Variants in MED23 observed in about 807,000 individuals in gnomAD.
MED23 encodes the protein mediator complex subunit 23.
In MED23, 105 loss-of-function variants were observed where a neutral mutation model predicts 163.9. The observed-to-expected ratio is 0.64, with a 90% CI of 0.55 to 0.75. The LOEUF (loss-of-function observed/expected upper bound fraction) is 0.75. Among genes scored for constraint, MED23 ranks in the 30% least tolerant of loss-of-function variants. MED23 has a pLI of 0.00. For missense variants in MED23, 1,054 were observed against 1,649.0 expected (o/e 0.64, Z 6.25); for synonymous variants, 561 against 565.6 (o/e 0.99, Z 0.12).
At chr6:131,625,895 G>A (rs556952856) in intron 3 of MED23, among the ~76,000 whole-genome samples, 2 of 151,884 alleles carry the variant, frequency 1.3e-5, no homozygotes, top group African/African-American at 4.8e-5. Context: ...GGCCGAGGTG[G>A]GCAGATCATG....
intron 1 of MED23, 30 bp downstream of exon 1, chr6:131,627,981 T>TA (rs1421001186): frequency 6.2e-7 from 1 of 1,613,696 alleles, no homozygotes; most frequent in East Asian, 2.2e-5. Context: ...CCCCAAGCCG[T>TA]AGTCCTGGAT....
At chr6:131,600,737 TAAA>T (rs1004508502) in intron 17 of MED23, among the ~76,000 whole-genome samples, 37 of 149,570 alleles carry the variant, frequency 2.5e-4, no homozygotes, top group African/African-American at 9.0e-4. Flanking sequence ...CAAATAATAA[TAAA>T]AAGATATCAG....
downstream of MED23, among the ~76,000 whole-genome samples, chr6:131,585,729 G>A (rs1296391525): frequency 1.3e-5 from 2 of 152,148 alleles, no homozygotes; most frequent in African/African-American, 4.8e-5. Flanking sequence ...AAAACTTTTA[G>A]GATGTGATAA....
At chr6:131,584,822 C>T (rs535630197), downstream of MED23, among the ~76,000 whole-genome samples, 8 of 142,290 alleles carry the variant, frequency 5.6e-5, no homozygotes, top group East Asian at 1.6e-3. Context: ...AAAATACACA[C>T]ACACACACAC....
intron 9 of MED23, 138 bp downstream of exon 9, chr6:131,618,269 C>T (rs1776835470): frequency 2.8e-6 from 2 of 725,890 alleles, no homozygotes; most frequent in African/African-American, 1.8e-5. Flanking sequence ...ACTAGAATAA[C>T]ATGATAAACT....
chr6:131,596,792 T>A (rs1368566266), intron 20 of MED23, 104 bp from the exon 21 acceptor site: 5 of 1,115,436 alleles, frequency 4.5e-6, no homozygotes, highest in Admixed American at 2.0e-5. Flanking sequence ...CTCACTATTA[T>A]AATTTCCTTA....
Position 131,600,163 on chromosome 6 carries a change from C to G in MED23, c.2096-1G>C. ...ATTGAATCAGAGCCTGTAAAAAAAT[C>G]TAAACATAAACAAATAGATGTAATC... On this transcript the variant is annotated splice_acceptor_variant, in intron 17 of 28. Coordinates refer to ENST00000368068, the MANE Select transcript of MED23 (RefSeq NM_004830.4). LOFTEE classifies it high-confidence loss of function. 6.2e-7 allele frequency: 1 copy of G among 1,604,518 alleles called. No individual in the cohort carries two copies. The highest frequency in any genetic ancestry group is 8.5e-7 in the Non-Finnish European group (1 of 1,171,472).
chr6:131,597,401 G>A (rs1047012109), intron 20 of MED23, among the ~76,000 whole-genome samples: 10 of 147,878 alleles, frequency 6.8e-5, no homozygotes, highest in African/African-American at 2.0e-4. Flanking sequence ...GCGTGAACCC[G>A]GAAGGCAGAG....
At position 131,587,516 on chromosome 6, in the gene MED23, A is replaced by T; in HGVS notation, c.*163T>A. 1 of 1,471,108 alleles carries T rather than the reference A, an allele frequency of 6.8e-7. No individual in the cohort carries two copies. Among genetic ancestry groups the T allele is most frequent in the Admixed American group, 2.3e-5 (1 of 43,646 alleles). 91.1% of individuals were successfully genotyped at this position (1,471,108 alleles called of 1,614,324 possible). On this transcript the variant is annotated 3_prime_UTR_variant, in exon 29 of 29. Transcript: ENST00000368068. The stretch of plus-strand genomic sequence containing the variant: ...AAATATAGATAGGGAGATGGGAGTT[A>T]TAAGGTGTCAACAGATTCATCATTT...
At chr6:131,589,049 T>C (rs1249005909) in intron 28 of MED23, among the ~76,000 whole-genome samples, 2 of 152,176 alleles carry the variant, frequency 1.3e-5, no homozygotes, top group Non-Finnish European at 2.9e-5. Context: ...TCTAGAATCC[T>C]GACTTTAGTC....
In MED23 at chr6:131,625,002, A is replaced by G; in HGVS notation, c.160-13T>C. Reference sequence around the variant, plus strand: ...GTTCATGAGACTCCTGGAAAATGAGAGAATGATTTTACTTGGGGTCTAAAG... The same window carrying G: ...GTTCATGAGACTCCTGGAAAATGAGGGAATGATTTTACTTGGGGTCTAAAG... On this transcript the variant is annotated splice_polypyrimidine_tract_variant and intron_variant, in intron 3 of 28. Coordinates refer to ENST00000368068, the MANE Select transcript of MED23 (RefSeq NM_004830.4). The G allele has an allele frequency of 6.2e-7, 1 of 1,613,092 alleles. No homozygotes were observed. The highest frequency in any genetic ancestry group is 8.5e-7 in the Non-Finnish European group (1 of 1,179,746).
chr6:131,616,272 A>G (rs182366971), intron 9 of MED23, among the ~76,000 whole-genome samples: 55 of 152,156 alleles, frequency 3.6e-4, no homozygotes, highest in South Asian at 6.2e-4. Flanking sequence ...AGACCTTCCA[A>G]TCCCCCTTCC....
downstream of MED23, chr6:131,584,087 T>C: frequency 2.8e-6 from 2 of 712,752 alleles, no homozygotes; most frequent in Non-Finnish European, 4.5e-6. Context: ...AATTCTAACT[T>C]TTTTGAAATT....
chr6:131,618,516 C>T lies in MED23; in HGVS notation c.671G>A (p.Arg224His). ...ATTTACAACTGGCAGAAGACTACAG[C>T]GACCTGTATGTATTACAAAAATGTT... ...PTARINSICGRCSLLPVVNNS... is the reference protein window; with the variant it reads ...PTARINSICGHCSLLPVVNNS... Residue 224 changes from arginine (R) to histidine (H), a missense_variant, in exon 9 of 29, where the codon CGC becomes CAC. This residue lies in a region of MED23 where 54 missense variants were observed against 79.7 expected (regional missense o/e 0.68). Transcript: ENST00000368068. 3.1e-6 allele frequency: 5 copies of T among 1,607,626 alleles called. No homozygotes were observed. The highest frequency in any genetic ancestry group is 2.2e-5 in the East Asian group (1 of 44,808).
At chr6:131,584,212 C>G (rs973308077), downstream of MED23, 3 of 347,588 alleles carry the variant, frequency 8.6e-6, no homozygotes, top group Non-Finnish European at 1.6e-5. Context: ...ACATAAGCCC[C>G]CATACATAGA....
intron 10 of MED23, among the ~76,000 whole-genome samples, chr6:131,615,503 CAAAAAAAAAAAAAAAA>C (rs917020235): frequency 9.9e-4 from 14 of 14,150 alleles, no homozygotes; most frequent in Non-Finnish European, 1.4e-3. Flanking sequence ...AAACACACAC[CAAAAAAAAAAAAAAAA>C]AAAAAAAAAA....
chr6:131,608,567 T>A (rs1278300894), intron 11 of MED23, among the ~76,000 whole-genome samples: 1 of 152,128 alleles, frequency 6.6e-6, no homozygotes, highest in Non-Finnish European at 1.5e-5. Flanking sequence ...TTTATTTATA[T>A]GTATCTTTTT....
At chr6:131,615,655 T>C in intron 10 of MED23, 1 of 590,230 alleles carries the variant, frequency 1.7e-6, no homozygotes, top group Non-Finnish European at 3.0e-6. Context: ...AAGGTATACT[T>C]GAAACTGGCC....
In MED23 at chr6:131,624,932, G is replaced by T; in HGVS notation, c.217C>A (p.Pro73Thr). Residue 73 changes from proline (P) to threonine (T), a missense_variant, in exon 4 of 29, where the codon CCT becomes ACT. This residue lies in a region of MED23 where 227 missense variants were observed against 235.5 expected (regional missense o/e 0.96). Transcript: ENST00000368068. ...IVKFIHGQHS[P>T]KRISFLYDCL... ...TCATAAAGAAAAGAAATTCTTTTAG[G>T]ACTATGCTGACCATGAATAAACTTA... The T allele has an allele frequency of 1.9e-6, 3 of 1,613,584 alleles. No homozygotes were observed. The highest frequency in any genetic ancestry group is 1.7e-6 in the Non-Finnish European group (2 of 1,179,724).
Sources: allele counts gnomAD v4.1 joint callset (sites outside exome capture counted in the v4.1 genomes callset), GRCh38; gene constraint gnomAD v4.1.1; regional missense constraint gnomAD v4.1.1; transcripts MANE v1.5; gene names NCBI Gene and HGNC (gene_info 2026-07-23, HGNC 2026-07-21).